BTNL3: variants seen among roughly 807,000 people sequenced by gnomAD.
The protein encoded by BTNL3 is butyrophilin like 3, also known as butyrophilin-like protein 3.
Under a neutral mutation model 40.1 loss-of-function variants are expected in BTNL3, and 20 were observed. That is an observed-to-expected ratio of 0.50 (90% CI 0.35 to 0.72). The LOEUF (loss-of-function observed/expected upper bound fraction) is 0.72, where lower values mean the gene tolerates loss of function less well. Among genes scored for constraint, BTNL3 ranks in the 30% least tolerant of loss-of-function variants. BTNL3 has a pLI of 0.01. For synonymous variants in BTNL3, 179 were observed against 222.1 expected (o/e 0.81, Z 1.73); for missense variants, 449 against 582.2 (o/e 0.77, Z 2.35).
rs374066403 is a variant in BTNL3, at chr5:181,005,815, G to A, written c.1344G>A (p.Ala448=). The A allele has an allele frequency of 4.3e-4, 697 of 1,613,868 alleles. No individual in the cohort carries two copies. The highest frequency in any genetic ancestry group is 7.7e-4 in the Admixed American group (46 of 60,000). Residue 448 remains alanine, a synonymous_variant, in exon 8 of 8, where the codon GCG becomes GCA. Coordinates refer to ENST00000342868, the MANE Select transcript of BTNL3 (RefSeq NM_197975.3). ...TGTTGAGACCCTATATCCAGCATGC[G>A]ATGTATGACGAGGAAAAGGGGACTC... ...EGLLRPYIQH[A]MYDEEKGTPI...
chr5:180,997,067 G>A (rs1453857788), intron 2 of BTNL3, 146 bp from the exon 3 acceptor site: 1 of 1,158,564 alleles, frequency 8.6e-7, no homozygotes, highest in Non-Finnish European at 1.2e-6. Context: ...GTAAGAGACA[G>A]AGAGAAAAGG....
At position 180,992,539 on chromosome 5, in the gene BTNL3, C is replaced by A. The variant is rs913987209; in HGVS notation, c.50-274C>A. Among the ~76,000 whole-genome samples, 2 of 136,974 alleles carry A rather than the reference C, an allele frequency of 1.5e-5. 1 individual carries two copies. The highest frequency in any genetic ancestry group is 1.5e-4 in the Admixed American group (2 of 12,996). 89.9% of individuals were successfully genotyped at this position (136,974 alleles called of 152,430 possible). On this transcript the variant is annotated intron_variant, in intron 1 of 7. Coordinates refer to ENST00000342868, the MANE Select transcript of BTNL3 (RefSeq NM_197975.3). ...AGGTGCCTCTCAGGCCCCTGAATAA[C>A]TCATCCCCAGAGACAGGGTTTCCTC...
rs1287836717 is a variant in BTNL3, at chr5:181,005,740, A to G, written c.1269A>G (p.Thr423=). 1 of 1,614,104 alleles carries G rather than the reference A, an allele frequency of 6.2e-7. No individual in the cohort carries two copies. Among genetic ancestry groups the G allele is most frequent in the Non-Finnish European group, 8.5e-7 (1 of 1,180,006 alleles). Residue 423 remains threonine, a synonymous_variant, in exon 8 of 8, where the codon ACA becomes ACG. Coordinates refer to ENST00000342868, the MANE Select transcript of BTNL3 (RefSeq NM_197975.3). The stretch of plus-strand genomic sequence containing the variant: ...GTGGGACCATCTCCTTCTTCAATAC[A>G]AATGACCAGTCCCTTATTTATACCC... ...YEGGTISFFN[T]NDQSLIYTLL... is the part of the protein sequence containing the mutation.
At chr5:181,002,345 GAC>G (rs35453084) in intron 3 of BTNL3, among the ~76,000 whole-genome samples, 18,409 of 81,476 alleles carry the variant, frequency 0.23, 3,513 homozygotes, top group African/African-American at 0.31. Flanking sequence ...ATTAGACATA[GAC>G]ACACACACAC....
rs746430414 is a variant in BTNL3, at chr5:181,001,609, GC to G, written c.674-1061del. 1.2e-4 allele frequency among the ~76,000 whole-genome samples: 16 copies of G among 134,450 alleles called. 3 individuals carry two copies. Among genetic ancestry groups the G allele is most frequent in the Admixed American group, 1.6e-4 (2 of 12,534 alleles). The allele number at this position is 134,450 out of a possible 152,430, so 88.2% of individuals were successfully genotyped here. ...GCCTGTAATCCCAGCACTTTGGGAG[GC>G]CGAGACGGGAGGATCACGAGGTTAG... On this transcript the variant is annotated intron_variant, in intron 3 of 7. Transcript: ENST00000342868.
Position 181,006,158 on chromosome 5 carries a change from A to C in BTNL3, c.*286A>C. The C allele has an allele frequency of 2.3e-6, 1 of 431,288 alleles. No homozygotes were observed. Among genetic ancestry groups the C allele is most frequent in the Non-Finnish European group, 4.1e-6 (1 of 246,496 alleles). The allele number at this position is 431,288 out of a possible 1,614,324, so 26.7% of individuals were successfully genotyped here. On this transcript the variant is annotated 3_prime_UTR_variant, in exon 8 of 8. Transcript: ENST00000342868. The stretch of plus-strand genomic sequence containing the variant: ...CTCACATTAGGTTTAGTTTGTGAAA[A>C]CTCCATCCAGCTAAGCGATCTTGAA...
At position 180,989,050 on chromosome 5, in the gene BTNL3, G is replaced by T. The variant is rs1284633578; in HGVS notation, c.22G>T (p.Val8Phe). The change falls in exon 1 of 8, where the codon GTT (valine) becomes TTT (phenylalanine). Residue 8 changes from valine to phenylalanine, a missense_variant. Val to Phe is a conservative substitution (Grantham distance 50, BLOSUM62 -1). Transcript: ENST00000342868. The stretch of plus-strand genomic sequence containing the variant: ...ATCCATGGCTTTTGTGCTCATTTTG[G>T]TTCTCAGTTTCTACGAGCTGGTGTC... The part of the protein sequence containing the change: MAFVLIL[V>F]LSFYELVSGQ... The T allele has an allele frequency of 1.4e-6, 2 of 1,449,556 alleles. No individual in the cohort carries two copies. The highest frequency in any genetic ancestry group is 1.9e-6 in the Non-Finnish European group (2 of 1,051,794). 89.8% of individuals were successfully genotyped at this position (1,449,556 alleles called of 1,614,324 possible).
chr5:180,998,719 A>G (rs1322499955), intron 3 of BTNL3, among the ~76,000 whole-genome samples: 1 of 138,044 alleles, frequency 7.2e-6, no homozygotes, highest in East Asian at 2.1e-4. Flanking sequence ...ACATTAAAAT[A>G]ACTGAGAAAT....
Position 180,997,309 on chromosome 5 carries a change from C to T in BTNL3, c.494C>T (p.Ala165Val), listed in dbSNP as rs200761034. 4 of 1,464,718 alleles carry T rather than the reference C, an allele frequency of 2.7e-6. No homozygotes were observed. The highest frequency in any genetic ancestry group is 2.7e-5 in the African/African-American group (2 of 72,876). The allele number at this position is 1,464,718 out of a possible 1,614,324, so 90.7% of individuals were successfully genotyped here. ...LSSGWFPQPTAKWKGPQGQDL... is the reference protein window; with the variant it reads ...LSSGWFPQPTVKWKGPQGQDL... ...TCAGGCTGGTTCCCCCAGCCCACAGCCAAGTGGAAAGGTCCACAAGGACAG... is the reference window on the plus strand; with the variant it reads ...TCAGGCTGGTTCCCCCAGCCCACAGTCAAGTGGAAAGGTCCACAAGGACAG... Residue 165 changes from alanine to valine, a missense_variant, in exon 3 of 8, where the codon GCC becomes GTC. Ala to Val is a moderately conservative substitution (Grantham distance 64). Transcript: ENST00000342868.
In BTNL3 at chr5:181,003,022, G is replaced by A. The variant is rs1163732121; in HGVS notation, c.787+237G>A. ...CTACTTTACATGGAGCACAGGATAA[G>A]CAGATAATTGATTTTCAGTACATAA... On this transcript the variant is annotated intron_variant, in intron 4 of 7. Coordinates refer to ENST00000342868, the MANE Select transcript of BTNL3 (RefSeq NM_197975.3). 2.2e-5 allele frequency among the ~76,000 whole-genome samples: 3 copies of A among 135,402 alleles called. 1 individual carries two copies. The allele number at this position is 135,402 out of a possible 152,430, so 88.8% of individuals were successfully genotyped here. A position where few individuals can be genotyped will look rare whatever the true frequency, so the allele number is the denominator to read the frequency against.
chr5:180,997,620 A>G, intron 3 of BTNL3, 132 bp downstream of exon 3: 1 of 1,274,580 alleles, frequency 7.8e-7, no homozygotes, highest in Non-Finnish European at 1.1e-6. Flanking sequence ...TCAAAGATTG[A>G]TGAGGTATAA....
chr5:180,994,971 T>C (rs1251120335), intron 2 of BTNL3, among the ~76,000 whole-genome samples: 1 of 135,238 alleles, frequency 7.4e-6, no homozygotes, highest in African/African-American at 2.5e-5. Flanking sequence ...GTATTTTTAG[T>C]AGAGACGGGG....
chr5:180,991,806 CAAACA>C lies in BTNL3; in HGVS notation c.50-996_50-992del, dbSNP rs1233945505. On this transcript the variant is annotated intron_variant, in intron 1 of 7. Coordinates refer to ENST00000342868, the MANE Select transcript of BTNL3 (RefSeq NM_197975.3). ...AAGACAAAGCTGTACCAAGAAAATACAAACAAAACAAAACAGGTAAGCCATGTTGA... is the reference window on the plus strand; with the variant it reads ...AAGACAAAGCTGTACCAAGAAAATACAAACAAAACAGGTAAGCCATGTTGA... Among the ~76,000 whole-genome samples, 36 of 136,602 alleles carry C rather than the reference CAAACA, an allele frequency of 2.6e-4. 4 individuals carry two copies. Among genetic ancestry groups the C allele is most frequent in the Admixed American group, 7.7e-5 (1 of 12,932 alleles). The allele number at this position is 136,602 out of a possible 152,430, so 89.6% of individuals were successfully genotyped here.
intron 5 of BTNL3, 48 bp from the exon 6 acceptor site, chr5:181,004,369 G>A: frequency 8.0e-6 from 7 of 870,176 alleles, no homozygotes; most frequent in Non-Finnish European, 1.3e-5. Context: ...CCCCCGCTCT[G>A]TGACGTCAGC....
chr5:181,005,796 G>A lies in BTNL3; in HGVS notation c.1325G>A (p.Arg442Lys). The change falls in exon 8 of 8, where the codon AGA (arginine) becomes AAA (lysine). Residue 442 changes from arginine (R) to lysine (K), a missense_variant. By Grantham distance (26) the Arg-to-Lys change is conservative. This residue lies in a region of BTNL3 where 126 missense variants were observed against 117.2 expected (regional missense o/e 1.07). Transcript: ENST00000342868. Reference sequence around the variant, plus strand: ...ACATGTCAGTTTGAAGGCTTGTTGAGACCCTATATCCAGCATGCGATGTAT... The same window carrying A: ...ACATGTCAGTTTGAAGGCTTGTTGAAACCCTATATCCAGCATGCGATGTAT... Reference protein sequence around the residue: ...LLTCQFEGLLRPYIQHAMYDE... With the variant: ...LLTCQFEGLLKPYIQHAMYDE... 1 of 1,613,984 alleles carries A rather than the reference G, an allele frequency of 6.2e-7. No individual in the cohort carries two copies. Among genetic ancestry groups the A allele is most frequent in the Non-Finnish European group, 8.5e-7 (1 of 1,179,988 alleles).
intron 3 of BTNL3, among the ~76,000 whole-genome samples, chr5:181,000,963 T>C (rs1304286285): frequency 7.3e-6 from 1 of 136,794 alleles, no homozygotes; most frequent in Non-Finnish European, 1.7e-5. Context: ...GTAAAAGTTA[T>C]AACTTTTAGA....
In BTNL3 at chr5:180,995,440, A is replaced by G. The variant is rs903366549; in HGVS notation, c.398-1773A>G. Among the ~76,000 whole-genome samples, 12 of 136,852 alleles carry G rather than the reference A, an allele frequency of 8.8e-5. 2 individuals carry two copies. Among genetic ancestry groups the G allele is most frequent in the Non-Finnish European group, 1.7e-4 (10 of 59,828 alleles). The allele number at this position is 136,852 out of a possible 152,430, so 89.8% of individuals were successfully genotyped here. A position where few individuals can be genotyped will look rare whatever the true frequency, so the allele number is the denominator to read the frequency against. Reference sequence around the variant, plus strand: ...GCAGGCAGTCACCATGTTTAGATTTATGACTCAGGTCCTAGTCTATTTTTG... The same window carrying G: ...GCAGGCAGTCACCATGTTTAGATTTGTGACTCAGGTCCTAGTCTATTTTTG... On this transcript the variant is annotated intron_variant, in intron 2 of 7. Coordinates refer to ENST00000342868, the MANE Select transcript of BTNL3 (RefSeq NM_197975.3).
rs1236771908 is a variant in BTNL3, at chr5:180,997,641, C to G, written c.673+153C>G. On this transcript the variant is annotated intron_variant, in intron 3 of 7. Coordinates refer to ENST00000342868, the MANE Select transcript of BTNL3 (RefSeq NM_197975.3). ...ATTGATGAGGTATAAAAAACAAAAC[C>G]AAACATTTGATAAGGCAGAAGTAGA... is the stretch of plus-strand genomic sequence containing the variant. 1.5e-5 allele frequency among the ~76,000 whole-genome samples: 2 copies of G among 136,218 alleles called. 1 individual carries two copies. The highest frequency in any genetic ancestry group is 3.4e-5 in the Non-Finnish European group (2 of 59,624). The allele number at this position is 136,218 out of a possible 152,430, so 89.4% of individuals were successfully genotyped here.
Position 180,997,140 on chromosome 5 carries a change from G to C in BTNL3, c.398-73G>C. On this transcript the variant is annotated intron_variant, in intron 2 of 7. Transcript: ENST00000342868. ...GTATGTGTGTTATGGGTACAGGCTT[G>C]ATGAACCAGACTCAAAATGCTGTAA... The C allele has an allele frequency of 1.4e-6, 2 of 1,453,222 alleles. 1 individual carries two copies. The highest frequency in any genetic ancestry group is 4.9e-5 in the East Asian group (2 of 40,854). The allele number at this position is 1,453,222 out of a possible 1,614,324, so 90.0% of individuals were successfully genotyped here. A position where few individuals can be genotyped will look rare whatever the true frequency, so the allele number is the denominator to read the frequency against.
Sources: allele counts gnomAD v4.1 joint callset (sites outside exome capture counted in the v4.1 genomes callset), GRCh38; gene constraint gnomAD v4.1.1; regional missense constraint gnomAD v4.1.1; transcripts MANE v1.5; gene names NCBI Gene and HGNC (gene_info 2026-07-23, HGNC 2026-07-21).